KALRN: variants seen among roughly 807,000 people sequenced by gnomAD.
The protein encoded by KALRN is kalirin.
A neutral mutation model predicts 353.7 loss-of-function variants in KALRN; 70 were observed. That is an observed-to-expected ratio of 0.20 (90% CI 0.16 to 0.24). KALRN has a LOEUF of 0.24. KALRN is among the 10% of genes least tolerant of loss of function. KALRN has a pLI of 1.00. For synonymous variants in KALRN, 1,391 were observed against 1,434.8 expected, an observed-to-expected ratio of 0.97 and a Z score of 0.69; for missense variants, 2,791 against 3,756.7, an observed-to-expected ratio of 0.74 and a Z score of 6.72.
chr3:124,627,659 G>C (rs557516233), intron 34 of KALRN, among the ~76,000 whole-genome samples: 20 of 152,316 alleles, frequency 1.3e-4, no homozygotes, highest in Admixed American at 4.6e-4. Context: ...TGAATGAAAA[G>C]CTTCTGCAAA....
rs551869197 is a variant in KALRN, at chr3:124,237,366, C to CTTTTTTTTTT, written c.263+2428_263+2437dup. Among the ~76,000 whole-genome samples the CTTTTTTTTTT allele has an allele frequency of 4.6e-4, 63 of 135,628 alleles. 2 individuals carry two copies. The highest frequency in any genetic ancestry group is 1.3e-3 in the East Asian group (5 of 3,728). The allele number at this position is 135,628 out of a possible 152,430, so 89.0% of individuals were successfully genotyped here. A position where few individuals can be genotyped will look rare whatever the true frequency, so the allele number is the denominator to read the frequency against. On this transcript the variant is annotated intron_variant, in intron 3 of 59. Coordinates refer to ENST00000682506, the MANE Select transcript of KALRN (RefSeq NM_001388419.1). ...GTAGGTGACATTTGATCATTTGATGCTTTTTTTTTTTTTTGAGACTGAGTC... is the reference window on the plus strand; with the variant it reads ...GTAGGTGACATTTGATCATTTGATGCTTTTTTTTTTTTTTTTTTTTTTTTGAGACTGAGTC...
At chr3:124,050,827 A>G (rs1385375085) in intron 1 of KALRN, among the ~76,000 whole-genome samples, 2 of 152,200 alleles carry the variant, frequency 1.3e-5, no homozygotes, top group Non-Finnish European at 2.9e-5. Flanking sequence ...TTCAAGCTGC[A>G]TACTAAAAAA....
At chr3:124,458,718 C>T (rs1042695718) in intron 23 of KALRN, among the ~76,000 whole-genome samples, 1 of 152,106 alleles carries the variant, frequency 6.6e-6, no homozygotes, top group Admixed American at 6.5e-5. Context: ...ACCTTGAAGC[C>T]AGGAGTTCAA....
intron 33 of KALRN, among the ~76,000 whole-genome samples, chr3:124,536,189 C>A (rs919161957): frequency 6.7e-6 from 1 of 148,816 alleles, no homozygotes; most frequent in Non-Finnish European, 1.5e-5. Context: ...TCTTTGCCAT[C>A]CATACTCTTT....
At chr3:124,304,733 C>T (rs2077546658) in intron 6 of KALRN, among the ~76,000 whole-genome samples, 1 of 152,138 alleles carries the variant, frequency 6.6e-6, no homozygotes, top group South Asian at 2.1e-4. Context: ...TCTTCTTTTC[C>T]CCTCCCAACT....
intron 33 of KALRN, among the ~76,000 whole-genome samples, chr3:124,550,098 A>G (rs796087562): frequency 2.9e-4 from 44 of 152,314 alleles, no homozygotes; most frequent in African/African-American, 1.1e-3. Flanking sequence ...GAGGCAGGTG[A>G]TGAACACCTG....
At chr3:124,436,035 A>G (rs1000112564) in intron 17 of KALRN, among the ~76,000 whole-genome samples, 1 of 152,242 alleles carries the variant, frequency 6.6e-6, no homozygotes, top group Non-Finnish European at 1.5e-5. Flanking sequence ...ATGAGACAGA[A>G]TAGTGGTTAT....
At chr3:124,201,198 C>T (rs925364692) in intron 1 of KALRN, among the ~76,000 whole-genome samples, 2 of 152,236 alleles carry the variant, frequency 1.3e-5, no homozygotes. Context: ...CTCTGGAATG[C>T]CAGGTCCAAC....
chr3:124,703,600 G>T (rs2150707835), intron 57 of KALRN, among the ~76,000 whole-genome samples: 1 of 150,574 alleles, frequency 6.6e-6, no homozygotes, highest in Middle Eastern at 3.6e-3. Flanking sequence ...GAGATTACAG[G>T]CCTGAGCCAT....
At chr3:124,035,746 C>T (rs901851466) in intron 1 of KALRN, among the ~76,000 whole-genome samples, 1 of 152,238 alleles carries the variant, frequency 6.6e-6, no homozygotes, top group Admixed American at 6.5e-5. Flanking sequence ...CTAACCCTGG[C>T]TCAAATCACA....
At chr3:124,580,064 G>T (rs182939290) in intron 34 of KALRN, among the ~76,000 whole-genome samples, 5 of 152,150 alleles carry the variant, frequency 3.3e-5, no homozygotes, top group African/African-American at 1.2e-4. Context: ...TCCGAATCTC[G>T]AGTAGGTCTC....
intron 1 of KALRN, among the ~76,000 whole-genome samples, chr3:124,098,161 A>G (rs990826727): frequency 5.9e-5 from 9 of 152,232 alleles, no homozygotes; most frequent in African/African-American, 2.2e-4. Flanking sequence ...ACAGAGCATC[A>G]GGCAGTGTTT....
At chr3:124,716,949 A>C (rs2063160344) in intron 58 of KALRN, among the ~76,000 whole-genome samples, 1 of 152,228 alleles carries the variant, frequency 6.6e-6, no homozygotes. Flanking sequence ...AAACCTCTTA[A>C]ATGGGTGTCA....
intron 1 of KALRN, among the ~76,000 whole-genome samples, chr3:124,116,051 A>T (rs1015091136): frequency 2.0e-5 from 3 of 152,220 alleles, no homozygotes; most frequent in African/African-American, 7.2e-5. Context: ...AGTGACAGTG[A>T]TGTTTTAGAA....
Position 124,702,122 on chromosome 3 carries a change from GAC to G in KALRN, c.8075+10_8075+11del, listed in dbSNP as rs1461391603. ...GAGCTGAATGAAATTGGAAGGTAAT[GAC>G]ACAGTTTTATATTCCTTCATTCATG... is the stretch of plus-strand genomic sequence containing the variant. On this transcript the variant is annotated splice_region_variant and intron_variant, in intron 57 of 59. Coordinates refer to ENST00000682506, the MANE Select transcript of KALRN (RefSeq NM_001388419.1). The G allele has an allele frequency of 1.2e-6, 2 of 1,601,646 alleles. No homozygotes were observed. Among genetic ancestry groups the G allele is most frequent in the South Asian group, 2.2e-5 (2 of 90,750 alleles).
At position 124,410,060 on chromosome 3, in the gene KALRN, G is replaced by A. The variant is rs548610043; in HGVS notation, c.2347-3410G>A. 32 of 370,602 alleles carry A rather than the reference G, an allele frequency of 8.6e-5. No homozygotes were observed. In the East Asian group the frequency reaches 2.3e-3, roughly 26 times the overall value. The allele number at this position is 370,602 out of a possible 1,614,324, so 23.0% of individuals were successfully genotyped here. A position where few individuals can be genotyped will look rare whatever the true frequency, so the allele number is the denominator to read the frequency against. ...GATGATGAGAGTGGAGGAGGGTAAGGAGAGGAGATGAAAGAATATAGAAAC... is the reference window on the plus strand; with the variant it reads ...GATGATGAGAGTGGAGGAGGGTAAGAAGAGGAGATGAAAGAATATAGAAAC... On this transcript the variant is annotated intron_variant, in intron 13 of 59. Transcript: ENST00000682506.
intron 1 of KALRN, among the ~76,000 whole-genome samples, chr3:124,098,069 G>A (rs1691642924): frequency 1.3e-5 from 2 of 152,216 alleles, no homozygotes; most frequent in South Asian, 4.1e-4. Context: ...GACCTGACAA[G>A]TAAGGTAGGG....
intron 51 of KALRN, among the ~76,000 whole-genome samples, chr3:124,693,440 T>C (rs1376154304): frequency 9.9e-5 from 15 of 152,158 alleles, no homozygotes; most frequent in Admixed American, 8.5e-4. Flanking sequence ...ACCACACTGC[T>C]TGTGTGCATA....
intron 15 of KALRN, among the ~76,000 whole-genome samples, chr3:124,429,367 T>C (rs2093170740): frequency 6.6e-6 from 1 of 152,182 alleles, no homozygotes; most frequent in Admixed American, 6.5e-5. Flanking sequence ...GGCTTGGTAT[T>C]TTCTAATTGT....
Sources: gnomAD v4.1 joint callset for allele counts (sites outside exome capture counted in the v4.1 genomes callset) on GRCh38, gnomAD v4.1.1 for gene constraint, MANE v1.5 for transcripts, NCBI Gene and HGNC (gene_info 2026-07-23, HGNC 2026-07-21) for gene names.